ZNF804A: variants seen among roughly 807,000 people sequenced by gnomAD.
The protein encoded by ZNF804A is zinc finger protein 804A.
ZNF804A carries 2 observed loss-of-function variants against 16.5 expected under a neutral mutation model. That is an observed-to-expected ratio of 0.12 (90% CI 0.05 to 0.38). The LOEUF is 0.38. ZNF804A is among the 10% of genes least tolerant of loss of function. ZNF804A has a pLI of 0.99. For missense variants in ZNF804A, 1,473 were observed against 1,390.7 expected, an observed-to-expected ratio of 1.06 and a Z score of -0.94; for synonymous variants, 534 against 489.6, an observed-to-expected ratio of 1.09 and a Z score of -1.20.
chr2:184,820,111 CA>C (rs1313972038), intron 1 of ZNF804A, among the ~76,000 whole-genome samples: 2 of 151,878 alleles, frequency 1.3e-5, no homozygotes, highest in Non-Finnish European at 2.9e-5. Context: ...AGATATACAA[CA>C]AACAAAGGAA....
intron 1 of ZNF804A, among the ~76,000 whole-genome samples, chr2:184,850,411 A>G (rs1459375768): frequency 6.6e-6 from 1 of 151,884 alleles, no homozygotes; most frequent in Non-Finnish European, 1.5e-5. Flanking sequence ...TGACTCAATC[A>G]GTTAAGCAAC....
At chr2:184,877,441 A>T (rs1396605315) in intron 2 of ZNF804A, among the ~76,000 whole-genome samples, 1 of 152,124 alleles carries the variant, frequency 6.6e-6, no homozygotes, top group Non-Finnish European at 1.5e-5. Context: ...GTACATTCCT[A>T]GAATCAAAAT....
chr2:184,825,423 T>C (rs772163752), intron 1 of ZNF804A, among the ~76,000 whole-genome samples: 2 of 152,142 alleles, frequency 1.3e-5, no homozygotes, highest in Non-Finnish European at 2.9e-5. Context: ...GTGTCACATG[T>C]TTTGTTTTCT....
intron 1 of ZNF804A, among the ~76,000 whole-genome samples, chr2:184,715,543 A>G (rs2105739188): frequency 6.6e-6 from 1 of 152,076 alleles, no homozygotes; most frequent in African/African-American, 2.4e-5. Flanking sequence ...ATATGCCACC[A>G]TGCTCAGCTG....
intron 2 of ZNF804A, among the ~76,000 whole-genome samples, chr2:184,879,457 G>T (rs1425306717): frequency 6.6e-6 from 1 of 151,722 alleles, no homozygotes; most frequent in Non-Finnish European, 1.5e-5. Flanking sequence ...ACACACATCA[G>T]AAAGCATACC....
chr2:184,721,472 A>AT (rs1180694114), intron 1 of ZNF804A, among the ~76,000 whole-genome samples: 1 of 152,094 alleles, frequency 6.6e-6, no homozygotes, highest in Non-Finnish European at 1.5e-5. Flanking sequence ...CAACAGGTAT[A>AT]TAAAAAAAAA....
At chr2:184,665,677 A>G (rs1356111818) in intron 1 of ZNF804A, among the ~76,000 whole-genome samples, 2 of 152,168 alleles carry the variant, frequency 1.3e-5, no homozygotes, top group African/African-American at 2.4e-5. Context: ...GCCTCTTTCA[A>G]TCTCATTTAG....
At chr2:184,627,039 G>A (rs1691517327) in intron 1 of ZNF804A, among the ~76,000 whole-genome samples, 1 of 151,972 alleles carries the variant, frequency 6.6e-6, no homozygotes, top group African/African-American at 2.4e-5. Context: ...TTTAATTTAG[G>A]CTCAACTACA....
At chr2:184,839,915 A>G (rs1695409454) in intron 1 of ZNF804A, among the ~76,000 whole-genome samples, 1 of 152,182 alleles carries the variant, frequency 6.6e-6, no homozygotes, top group Non-Finnish European at 1.5e-5. Context: ...AAAATAGAAT[A>G]AGGGACCATA....
chr2:184,617,174 T>A (rs960425872), intron 1 of ZNF804A, among the ~76,000 whole-genome samples: 5 of 152,264 alleles, frequency 3.3e-5, no homozygotes, highest in African/African-American at 7.2e-5. Context: ...GAATCTAACA[T>A]CTACAGAATG....
intron 1 of ZNF804A, among the ~76,000 whole-genome samples, chr2:184,648,522 A>G (rs185577341): frequency 6.6e-6 from 1 of 152,166 alleles, no homozygotes; most frequent in Non-Finnish European, 1.5e-5. Flanking sequence ...CAAGACCCAT[A>G]ATCTGTTGTC....
At chr2:184,876,167 C>A (rs746672699) in intron 2 of ZNF804A, among the ~76,000 whole-genome samples, 1 of 152,116 alleles carries the variant, frequency 6.6e-6, no homozygotes, top group Non-Finnish European at 1.5e-5. Context: ...GCCAGGACTT[C>A]TATTGCTATA....
chr2:184,702,367 C>G (rs1692933202), intron 1 of ZNF804A, among the ~76,000 whole-genome samples: 1 of 152,044 alleles, frequency 6.6e-6, no homozygotes, highest in South Asian at 2.1e-4. Flanking sequence ...ATGTGCATTT[C>G]ATATTTTAGC....
chr2:184,827,942 C>T (rs1355542578), intron 1 of ZNF804A, among the ~76,000 whole-genome samples: 7 of 151,418 alleles, frequency 4.6e-5, no homozygotes, highest in Non-Finnish European at 7.4e-5. Context: ...TAAAATAATT[C>T]GATGTTCAGA....
chr2:184,852,410 T>C (rs1695620274), intron 1 of ZNF804A, among the ~76,000 whole-genome samples: 1 of 151,420 alleles, frequency 6.6e-6, no homozygotes, highest in South Asian at 2.1e-4. Context: ...TCCTATTAAT[T>C]GTTTCCTTGA....
At chr2:184,697,641 A>C (rs1225428497) in intron 1 of ZNF804A, among the ~76,000 whole-genome samples, 1 of 152,126 alleles carries the variant, frequency 6.6e-6, no homozygotes, top group Non-Finnish European at 1.5e-5. Flanking sequence ...TTCAAAGAGT[A>C]ATACTTATCA....
At chr2:184,730,362 C>T (rs760989629) in intron 1 of ZNF804A, among the ~76,000 whole-genome samples, 50 of 151,960 alleles carry the variant, frequency 3.3e-4, no homozygotes, top group African/African-American at 1.0e-3. Context: ...TTAAAATTGA[C>T]GAATATACAC....
chr2:184,936,546 G>A lies in ZNF804A; in HGVS notation c.1150G>A (p.Glu384Lys), dbSNP rs767729735. 1.1e-5 allele frequency: 17 copies of A among 1,613,938 alleles called. No individual in the cohort carries two copies. Among genetic ancestry groups the A allele is most frequent in the South Asian group, 2.2e-5 (2 of 91,080 alleles). Reference protein sequence around the residue: ...ATTEENVKHNEASTTEVENKN... With the variant: ...ATTEENVKHNKASTTEVENKN... ...CACAGAGGAAAATGTTAAGCATAACGAGGCATCCACAACTGAGGTTGAAAA... is the reference window on the plus strand; with the variant it reads ...CACAGAGGAAAATGTTAAGCATAACAAGGCATCCACAACTGAGGTTGAAAA... Residue 384 changes from glutamate to lysine, a missense_variant, in exon 4 of 4, where the codon GAG (glutamate) becomes AAG (lysine). Coordinates refer to ENST00000302277, the MANE Select transcript of ZNF804A (RefSeq NM_194250.2).
intron 1 of ZNF804A, among the ~76,000 whole-genome samples, chr2:184,735,257 G>T (rs1200545977): frequency 2.6e-5 from 4 of 151,960 alleles, no homozygotes; most frequent in Non-Finnish European, 4.4e-5. Flanking sequence ...ATAGGTCCAA[G>T]ATCAGGCTGT....
Sources: allele counts gnomAD v4.1 joint callset (sites outside exome capture counted in the v4.1 genomes callset), GRCh38; gene constraint gnomAD v4.1.1; transcripts MANE v1.5; gene names NCBI Gene and HGNC (gene_info 2026-07-23, HGNC 2026-07-21).